The following KIAA1217 variants were observed in gnomAD, a reference collection of about 807,000 sequenced individuals.
KIAA1217 encodes the protein KIAA1217.
A neutral mutation model predicts 163.9 loss-of-function variants in KIAA1217; 88 were observed. That is an observed-to-expected ratio of 0.54 (90% CI 0.45 to 0.64). The LOEUF is 0.64. Ranked by LOEUF, KIAA1217 falls within the 30% of genes least tolerant of loss-of-function variation. The probability of loss-of-function intolerance (pLI) is 0.00; values close to 1 mark genes in which losing one functional copy is unlikely to be tolerated. For missense variants in KIAA1217, 2,372 were observed against 2,475.0 expected (o/e 0.96, Z 0.88); for synonymous variants, 903 against 923.1 (o/e 0.98, Z 0.39).
intron 2 of KIAA1217, among the ~76,000 whole-genome samples, chr10:24,068,950 T>C (rs938017459): frequency 9.2e-5 from 14 of 152,338 alleles, no homozygotes; most frequent in Admixed American, 3.3e-4. Context: ...TAGAATTATC[T>C]AGGTCCCATC....
chr10:23,913,981 G>A (rs546293604), intron 1 of KIAA1217, among the ~76,000 whole-genome samples: 1 of 152,250 alleles, frequency 6.6e-6, no homozygotes, highest in East Asian at 1.9e-4. Context: ...GTGGCTCCTA[G>A]GTGCCAGGGG....
Position 23,981,287 on chromosome 10 carries a change from A to G in KIAA1217, c.-320-25938A>G, listed in dbSNP as rs954187977. ...TTTAGATAAATCTTCATTTTAAAAG[A>G]TATTTTCCTGAAATAGCTGCTTTGA... On this transcript the variant is annotated intron_variant, in intron 1 of 18. Transcript: ENST00000376462. 9.8e-5 allele frequency among the ~76,000 whole-genome samples: 15 copies of G among 152,346 alleles called. 1 individual carries two copies. The East Asian group carries it at 2.1e-3, about 22-fold the overall frequency.
intron 1 of KIAA1217, among the ~76,000 whole-genome samples, chr10:23,845,070 T>C (rs969464891): frequency 7.9e-5 from 12 of 152,326 alleles, no homozygotes; most frequent in African/African-American, 2.9e-4. Flanking sequence ...CATGAACTCA[T>C]GCTTTGTTAT....
intron 2 of KIAA1217, among the ~76,000 whole-genome samples, chr10:24,159,613 A>G (rs574522213): frequency 2.3e-3 from 32 of 13,658 alleles, no homozygotes; most frequent in Non-Finnish European, 5.5e-3. Context: ...CCCCGTCTCA[A>G]AAAAAAAAAA....
In KIAA1217 at chr10:23,771,816, C is replaced by T. The variant is rs528301799; in HGVS notation, c.-321+76582C>T. ...ATATGCAAAGAAGCCAAGACCAAAG[C>T]CCAGTGGTGTGCCCAGGGGGACAAG... On this transcript the variant is annotated intron_variant, in intron 1 of 18. Transcript: ENST00000376462. 2.0e-5 allele frequency among the ~76,000 whole-genome samples: 3 copies of T among 152,292 alleles called. No individual in the cohort carries two copies. In the South Asian group the frequency reaches 6.2e-4, roughly 32 times the overall value.
At chr10:24,369,731 A>G (rs1032021536) in intron 2 of KIAA1217, among the ~76,000 whole-genome samples, 1 of 152,158 alleles carries the variant, frequency 6.6e-6, no homozygotes, top group African/African-American at 2.4e-5. Context: ...TCCTTTTATC[A>G]GTATAATAAC....
Position 24,543,296 on chromosome 10 carries a change from G to T in KIAA1217, c.4026G>T (p.Thr1342=). ...DFKTEDQEVI[T]TDFGQVVLRP... ...AAACAGAAGATCAAGAGGTTATCAC[G>T]ACAGATTTTGGCCAAGTTGTTCTAA... Residue 1342 remains threonine, a synonymous_variant, in exon 19 of 21, where the codon ACG becomes ACT. Transcript: ENST00000376454. 1 of 1,614,058 alleles carries T rather than the reference G, an allele frequency of 6.2e-7. No homozygotes were observed. The highest frequency in any genetic ancestry group is 8.5e-7 in the Non-Finnish European group (1 of 1,180,022).
At chr10:23,903,436 C>G (rs1183093842) in intron 1 of KIAA1217, among the ~76,000 whole-genome samples, 1 of 151,994 alleles carries the variant, frequency 6.6e-6, no homozygotes, top group Non-Finnish European at 1.5e-5. Context: ...TACACAGGAG[C>G]CTTCAGAAAT....
intron 1 of KIAA1217, among the ~76,000 whole-genome samples, chr10:23,828,062 G>A (rs189089633): frequency 5.6e-4 from 86 of 152,284 alleles, no homozygotes; most frequent in African/African-American, 1.9e-3. Context: ...GCTAATTAAC[G>A]CTTATTGATT....
chr10:23,955,254 C>T (rs1397132385), intron 1 of KIAA1217, among the ~76,000 whole-genome samples: 1 of 152,136 alleles, frequency 6.6e-6, no homozygotes, highest in African/African-American at 2.4e-5. Flanking sequence ...CCTCCATTCA[C>T]AAGAATAATA....
intron 2 of KIAA1217, among the ~76,000 whole-genome samples, chr10:24,194,371 C>A (rs2066884541): frequency 7.4e-6 from 1 of 134,586 alleles, no homozygotes; most frequent in African/African-American, 2.8e-5. Context: ...TCATCCCTTC[C>A]TTCCTTCCCC....
At chr10:23,873,480 C>T (rs1326856844) in intron 1 of KIAA1217, among the ~76,000 whole-genome samples, 1 of 151,992 alleles carries the variant, frequency 6.6e-6, no homozygotes, top group African/African-American at 2.4e-5. Flanking sequence ...CGGCCTTACT[C>T]ATAAGTTAGG....
chr10:24,520,270 G>A lies in KIAA1217; in HGVS notation c.2308+17G>A, dbSNP rs768350879. 32 of 1,613,752 alleles carry A rather than the reference G, an allele frequency of 2.0e-5. No homozygotes were observed. Among genetic ancestry groups the A allele is most frequent in the Non-Finnish European group, 2.7e-5 (32 of 1,179,810 alleles). ...CCCTGAAAGGTAAACTTTCTGCTGG[G>A]TCGGGGGAGGAGTCTGAGCTGTCTT... On this transcript the variant is annotated intron_variant, in intron 11 of 20. Transcript: ENST00000376454.
chr10:24,422,079 C>T (rs1015781262), intron 3 of KIAA1217, among the ~76,000 whole-genome samples: 1 of 152,132 alleles, frequency 6.6e-6, no homozygotes, highest in Non-Finnish European at 1.5e-5. Context: ...TACATGGTGG[C>T]AGGCAAAGAG....
At chr10:24,379,127 T>A (rs930894767) in intron 2 of KIAA1217, among the ~76,000 whole-genome samples, 1 of 151,296 alleles carries the variant, frequency 6.6e-6, no homozygotes, top group Admixed American at 6.6e-5. Context: ...CTACCTTCTT[T>A]AAAAAAAAAT....
At chr10:23,729,853 T>A (rs1365614604) in intron 1 of KIAA1217, among the ~76,000 whole-genome samples, 1 of 152,164 alleles carries the variant, frequency 6.6e-6, no homozygotes, top group Non-Finnish European at 1.5e-5. Flanking sequence ...AAAAAGTAAT[T>A]GTCAAACCCA....
intron 2 of KIAA1217, among the ~76,000 whole-genome samples, chr10:24,362,871 A>T (rs1591322755): frequency 6.6e-6 from 1 of 152,068 alleles, no homozygotes; most frequent in South Asian, 2.1e-4. Context: ...CAGAGGTTAC[A>T]GTGAGCTGAG....
chr10:23,969,888 C>A (rs111886794), intron 1 of KIAA1217, among the ~76,000 whole-genome samples: 1 of 152,190 alleles, frequency 6.6e-6, no homozygotes, highest in Admixed American at 6.5e-5. Flanking sequence ...GGGGAGGCCT[C>A]ACAATCATGG....
At chr10:23,967,625 G>C (rs1845121275) in intron 1 of KIAA1217, among the ~76,000 whole-genome samples, 1 of 152,108 alleles carries the variant, frequency 6.6e-6, no homozygotes, top group African/African-American at 2.4e-5. Context: ...TCCCTCTACT[G>C]TGCTGGTAGA....
Sources: gnomAD v4.1 joint callset for allele counts (sites outside exome capture counted in the v4.1 genomes callset) on GRCh38, gnomAD v4.1.1 for gene constraint, MANE v1.5 for transcripts, NCBI Gene and HGNC (gene_info 2026-07-23, HGNC 2026-07-21) for gene names.